Variants in ZFAND3 observed in about 807,000 individuals in gnomAD.
ZFAND3 encodes the protein AN1-type zinc finger protein 3.
Under a neutral mutation model 29.6 loss-of-function variants are expected in ZFAND3, and 10 were observed. The ratio of observed to expected loss-of-function variants is 0.34; its 90% confidence interval spans 0.21 to 0.57. ZFAND3 has a LOEUF of 0.57. Among genes scored for constraint, ZFAND3 ranks in the 20% least tolerant of loss-of-function variants. The pLI is 0.86. For synonymous variants in ZFAND3, 128 were observed against 112.6 expected (o/e 1.14, Z -0.87); for missense variants, 230 against 304.5 (o/e 0.76, Z 1.82).
chr6:37,889,371 C>T (rs1765054258), intron 1 of ZFAND3, among the ~76,000 whole-genome samples: 1 of 152,106 alleles, frequency 6.6e-6, no homozygotes, highest in Non-Finnish European at 1.5e-5. Context: ...CAATTGTGTG[C>T]CAAAAGGAAT....
intron 2 of ZFAND3, among the ~76,000 whole-genome samples, chr6:37,981,461 G>C (rs1396995131): frequency 1.3e-5 from 2 of 152,174 alleles, no homozygotes; most frequent in African/African-American, 2.4e-5. Context: ...CTTCATGTCT[G>C]TGACCACTGT....
intron 4 of ZFAND3, among the ~76,000 whole-genome samples, chr6:38,094,529 A>G (rs1319108938): frequency 2.6e-5 from 4 of 152,194 alleles, no homozygotes; most frequent in South Asian, 2.1e-4. Context: ...TCTGTAGGTT[A>G]CCTTGTAATT....
intron 2 of ZFAND3, among the ~76,000 whole-genome samples, chr6:38,011,284 A>G (rs11753122): frequency 0.068 from 10,376 of 152,216 alleles, 426 homozygotes; most frequent in Non-Finnish European, 0.087. Flanking sequence ...GTATGAATGT[A>G]TGCTTTTATT....
chr6:37,849,640 C>T (rs779806973), intron 1 of ZFAND3, among the ~76,000 whole-genome samples: 7 of 152,100 alleles, frequency 4.6e-5, no homozygotes, highest in Admixed American at 1.3e-4. Flanking sequence ...GAACTCCTGA[C>T]GTCAGGTGAT....
chr6:37,965,201 T>C (rs538222155), intron 2 of ZFAND3, among the ~76,000 whole-genome samples: 6 of 152,338 alleles, frequency 3.9e-5, no homozygotes, highest in African/African-American at 1.2e-4. Flanking sequence ...TGTCAAGTTA[T>C]TATAAAATTT....
chr6:38,079,793 G>C (rs1764625143), intron 3 of ZFAND3, among the ~76,000 whole-genome samples: 1 of 152,008 alleles, frequency 6.6e-6, no homozygotes, highest in African/African-American at 2.4e-5. Context: ...TGCTCAGCTG[G>C]TTTATAAAAG....
intron 5 of ZFAND3, among the ~76,000 whole-genome samples, chr6:38,147,954 TA>T (rs201453241): frequency 0.022 from 3,372 of 152,322 alleles, 48 homozygotes; most frequent in Non-Finnish European, 0.035. Context: ...CAGAAGCTTT[TA>T]ATTTAGTTAA....
chr6:38,128,259 G>A (rs1765675367), intron 5 of ZFAND3, among the ~76,000 whole-genome samples: 1 of 152,120 alleles, frequency 6.6e-6, no homozygotes, highest in African/African-American at 2.4e-5. Flanking sequence ...TTTATGTTAA[G>A]CACATTGTAT....
At chr6:37,826,571 T>C (rs1017126122) in intron 1 of ZFAND3, among the ~76,000 whole-genome samples, 2 of 152,060 alleles carry the variant, frequency 1.3e-5, no homozygotes, top group Non-Finnish European at 2.9e-5. Context: ...CTGAACAACA[T>C]GGTGAAACTC....
chr6:38,142,458 T>C (rs1765982493), intron 5 of ZFAND3: 1 of 417,858 alleles, frequency 2.4e-6, no homozygotes, highest in Non-Finnish European at 4.9e-6. Context: ...CCAGGCTGTG[T>C]CTTCAGCAGC....
chr6:37,858,974 G>C (rs1427640199), intron 1 of ZFAND3, among the ~76,000 whole-genome samples: 1 of 152,172 alleles, frequency 6.6e-6, no homozygotes, highest in Admixed American at 6.5e-5. Flanking sequence ...TTTCATGCAT[G>C]TATTATTATT....
chr6:37,991,360 T>G (rs1297288945), intron 2 of ZFAND3, among the ~76,000 whole-genome samples: 1 of 152,044 alleles, frequency 6.6e-6, no homozygotes, highest in African/African-American at 2.4e-5. Flanking sequence ...ATTATTTACT[T>G]TATTTTCTTT....
intron 5 of ZFAND3, among the ~76,000 whole-genome samples, chr6:38,128,790 T>C (rs928499879): frequency 6.6e-6 from 1 of 152,250 alleles, no homozygotes; most frequent in Non-Finnish European, 1.5e-5. Flanking sequence ...TTGCAAATTG[T>C]GCTACCATAA....
At chr6:38,045,768 A>T (rs1418027062) in intron 2 of ZFAND3, among the ~76,000 whole-genome samples, 1 of 152,238 alleles carries the variant, frequency 6.6e-6, no homozygotes, top group African/African-American at 2.4e-5. Context: ...GACAAAGGGA[A>T]AATACAGATT....
chr6:37,840,504 A>C (rs1764052434), intron 1 of ZFAND3, among the ~76,000 whole-genome samples: 1 of 152,236 alleles, frequency 6.6e-6, no homozygotes, highest in Non-Finnish European at 1.5e-5. Flanking sequence ...CTACAATTTC[A>C]TTCTTCTTTA....
intron 1 of ZFAND3, among the ~76,000 whole-genome samples, chr6:37,828,028 T>G (rs917254648): frequency 1.3e-5 from 2 of 152,224 alleles, no homozygotes; most frequent in African/African-American, 4.8e-5. Context: ...TCTCATTTAT[T>G]TCTGCTGAAG....
At chr6:37,956,619 T>C (rs750595291) in intron 2 of ZFAND3, among the ~76,000 whole-genome samples, 1 of 152,218 alleles carries the variant, frequency 6.6e-6, no homozygotes, top group Non-Finnish European at 1.5e-5. Flanking sequence ...AATACTGTTA[T>C]TTGTGATCTT....
intron 1 of ZFAND3, among the ~76,000 whole-genome samples, chr6:37,908,685 C>G (rs2645139): frequency 6.7e-6 from 1 of 148,964 alleles, no homozygotes; most frequent in South Asian, 2.1e-4. Context: ...CTACACATCT[C>G]TTCATCTGTA....
At chr6:37,931,896 G>A (rs1264930611) in intron 2 of ZFAND3, among the ~76,000 whole-genome samples, 1 of 152,190 alleles carries the variant, frequency 6.6e-6, no homozygotes, top group African/African-American at 2.4e-5. Context: ...TTTGGAATTT[G>A]TCAGATACTT....
Sources: gnomAD v4.1 joint callset for allele counts (sites outside exome capture counted in the v4.1 genomes callset) on GRCh38, gnomAD v4.1.1 for gene constraint, MANE v1.5 for transcripts, NCBI Gene and HGNC (gene_info 2026-07-23, HGNC 2026-07-21) for gene names.